GPR158: variants seen among roughly 807,000 people sequenced by gnomAD.
GPR158 encodes the protein G protein-coupled receptor 158.
A neutral mutation model predicts 78.2 loss-of-function variants in GPR158; 30 were observed. That is an observed-to-expected ratio of 0.38 (90% CI 0.29 to 0.52). The LOEUF (loss-of-function observed/expected upper bound fraction) is 0.52, where lower values mean the gene tolerates loss of function less well. Ranked by LOEUF, GPR158 falls within the 20% of genes least tolerant of loss-of-function variation. The probability of loss-of-function intolerance (pLI) is 0.83; values close to 1 mark genes in which losing one functional copy is unlikely to be tolerated. For synonymous variants in GPR158, 581 were observed against 591.1 expected, an observed-to-expected ratio of 0.98 and a Z score of 0.25; for missense variants, 1,463 against 1,523.5, an observed-to-expected ratio of 0.96 and a Z score of 0.66.
intron 4 of GPR158, among the ~76,000 whole-genome samples, chr10:25,464,414 T>G (rs960951157): frequency 3.9e-5 from 6 of 152,158 alleles, no homozygotes; most frequent in Non-Finnish European, 7.3e-5. Flanking sequence ...AAAATTTGAC[T>G]GTTAGCGATA....
intron 4 of GPR158, among the ~76,000 whole-genome samples, chr10:25,465,299 A>G (rs567757502): frequency 2.0e-5 from 3 of 152,230 alleles, no homozygotes; most frequent in Non-Finnish European, 4.4e-5. Flanking sequence ...TAGTGAAAAC[A>G]CAGCATGCCT....
At chr10:25,497,433 G>A (rs1835896729) in intron 5 of GPR158, among the ~76,000 whole-genome samples, 1 of 152,206 alleles carries the variant, frequency 6.6e-6, no homozygotes, top group African/African-American at 2.4e-5. Context: ...TTAACAGTCA[G>A]TGGAACAACT....
At chr10:25,523,094 G>A (rs1383704567) in intron 5 of GPR158, among the ~76,000 whole-genome samples, 2 of 152,162 alleles carry the variant, frequency 1.3e-5, no homozygotes, top group Non-Finnish European at 2.9e-5. Flanking sequence ...ATAAGCAAGA[G>A]GCTGAACTGA....
intron 7 of GPR158, among the ~76,000 whole-genome samples, chr10:25,580,696 A>T (rs1837179561): frequency 1.3e-5 from 2 of 152,106 alleles, no homozygotes; most frequent in African/African-American, 4.8e-5. Flanking sequence ...TGCACACTGC[A>T]TTACTTGTTA....
intron 2 of GPR158, among the ~76,000 whole-genome samples, chr10:25,334,709 A>G (rs906898283): frequency 2.0e-5 from 3 of 151,986 alleles, no homozygotes; most frequent in Non-Finnish European, 4.4e-5. Flanking sequence ...TCCTTGTAAG[A>G]TGGTATCAGT....
intron 4 of GPR158, among the ~76,000 whole-genome samples, chr10:25,457,153 T>TG (rs1835302335): frequency 7.1e-6 from 1 of 140,304 alleles, no homozygotes; most frequent in African/African-American, 2.6e-5. Context: ...TTTTTTTTTT[T>TG]TTTTTTTTTT....
chr10:25,440,478 A>G (rs1053232671), intron 4 of GPR158, among the ~76,000 whole-genome samples: 3 of 152,176 alleles, frequency 2.0e-5, no homozygotes, highest in Non-Finnish European at 4.4e-5. Flanking sequence ...CACCCTTCTA[A>G]TGGTGCCTAA....
intron 2 of GPR158, among the ~76,000 whole-genome samples, chr10:25,336,126 T>G (rs1397942278): frequency 6.6e-6 from 1 of 152,084 alleles, no homozygotes; most frequent in African/African-American, 2.4e-5. Flanking sequence ...TGTATGTGTA[T>G]TTAGTTAAAT....
At chr10:25,282,829 TTTC>T (rs1328917291) in intron 2 of GPR158, among the ~76,000 whole-genome samples, 1 of 152,170 alleles carries the variant, frequency 6.6e-6, no homozygotes, top group African/African-American at 2.4e-5. Flanking sequence ...TATTGTTTGC[TTTC>T]TTATGAATTA....
At chr10:25,193,028 T>A (rs1230188920) in intron 1 of GPR158, among the ~76,000 whole-genome samples, 1 of 152,146 alleles carries the variant, frequency 6.6e-6, no homozygotes, top group East Asian at 1.9e-4. Context: ...ATTTTCAATT[T>A]ACGTATTTTC....
chr10:25,469,721 T>G (rs1835469614), intron 5 of GPR158, among the ~76,000 whole-genome samples: 1 of 141,290 alleles, frequency 7.1e-6, no homozygotes, highest in African/African-American at 2.7e-5. Flanking sequence ...GAGGTGGAGG[T>G]TGCAGTGAGC....
At chr10:25,333,713 T>C (rs1855159640) in intron 2 of GPR158, among the ~76,000 whole-genome samples, 1 of 152,166 alleles carries the variant, frequency 6.6e-6, no homozygotes, top group African/African-American at 2.4e-5. Flanking sequence ...GCTAAAGACA[T>C]ATTAACTAAG....
chr10:25,256,274 CTG>C, intron 2 of GPR158, among the ~76,000 whole-genome samples: 1 of 152,012 alleles, frequency 6.6e-6, no homozygotes. Flanking sequence ...TAAAAAGAAG[CTG>C]TGTGTTTAGA....
Position 25,273,656 on chromosome 10 carries a change from G to C in GPR158, c.1008+52499G>C, listed in dbSNP as rs193044115. On this transcript the variant is annotated intron_variant, in intron 2 of 10. Transcript: ENST00000376351. ...TCTACCTTTTCTATAACTTCTTTAT[G>C]CATTGAAGAAAATGGGTTTTTTTTC... 5.3e-5 allele frequency among the ~76,000 whole-genome samples: 8 copies of C among 151,984 alleles called. No individual in the cohort carries two copies. In the East Asian group the frequency reaches 1.5e-3, roughly 29 times the overall value.
At chr10:25,479,676 T>C (rs1439778119) in intron 5 of GPR158, among the ~76,000 whole-genome samples, 1 of 152,062 alleles carries the variant, frequency 6.6e-6, no homozygotes, top group African/African-American at 2.4e-5. Flanking sequence ...TGGCCTCTCA[T>C]AGTGCTGGGA....
At chr10:25,195,614 A>G (rs1422224768) in intron 1 of GPR158, among the ~76,000 whole-genome samples, 1 of 152,244 alleles carries the variant, frequency 6.6e-6, no homozygotes, top group Non-Finnish European at 1.5e-5. Context: ...GGTCTTTTGC[A>G]GAACAACTAT....
intron 4 of GPR158, among the ~76,000 whole-genome samples, chr10:25,429,593 T>C (rs965293502): frequency 3.3e-5 from 5 of 152,056 alleles, no homozygotes; most frequent in African/African-American, 4.8e-5. Flanking sequence ...TGCAAGAACA[T>C]TGATGCAAAA....
intron 1 of GPR158, among the ~76,000 whole-genome samples, chr10:25,186,004 G>A (rs561929218): frequency 7.2e-5 from 11 of 152,204 alleles, no homozygotes; most frequent in African/African-American, 2.6e-4. Flanking sequence ...TAAAAGACCA[G>A]AAATTATAAC....
intron 2 of GPR158, among the ~76,000 whole-genome samples, chr10:25,259,799 C>T (rs1231249580): frequency 6.6e-6 from 1 of 152,084 alleles, no homozygotes; most frequent in Non-Finnish European, 1.5e-5. Context: ...CCTTGCACAT[C>T]ACTTTTTAGA....
Sources: allele counts gnomAD v4.1 joint callset (sites outside exome capture counted in the v4.1 genomes callset), GRCh38; gene constraint gnomAD v4.1.1; transcripts MANE v1.5; gene names NCBI Gene and HGNC (gene_info 2026-07-23, HGNC 2026-07-21).